CRMP1: variants seen among roughly 807,000 people sequenced by gnomAD.
CRMP1 encodes dihydropyrimidinase-related protein 1.
CRMP1 carries 19 observed loss-of-function variants against 68.3 expected under a neutral mutation model. The ratio of observed to expected loss-of-function variants is 0.28; its 90% CI spans 0.19 to 0.41. CRMP1 has a LOEUF of 0.41. Among genes scored for constraint, CRMP1 ranks in the 10% least tolerant of loss-of-function variants. The probability of loss-of-function intolerance (pLI) is 1.00; values close to 1 mark genes in which losing one functional copy is unlikely to be tolerated. For missense variants in CRMP1, 791 were observed against 967.4 expected, an observed-to-expected ratio of 0.82 and a Z score of 2.42; for synonymous variants, 439 against 399.6, an observed-to-expected ratio of 1.10 and a Z score of -1.18.
In CRMP1 at chr4:5,865,673, T is replaced by C. The variant is rs1274905834; in HGVS notation, c.470+995A>G. On this transcript the variant is annotated intron_variant, in intron 2 of 13. Transcript: ENST00000324989. This position sits in a 1 kb window ranked among gnomAD's most constrained non-coding sequence, Gnocchi z 4.1. ...GCCTACAGACCCCTGCCTGGCGTTA[T>C]GGACTGAATTGTATCTCCCAAAATT... Among the ~76,000 whole-genome samples, 4 of 151,144 alleles carry C rather than the reference T, an allele frequency of 2.6e-5. No homozygotes were observed. Among genetic ancestry groups the C allele is most frequent in the African/African-American group, 9.7e-5 (4 of 41,078 alleles).
At chr4:5,829,686 T>TTTTC (rs1295449013) in intron 11 of CRMP1, among the ~76,000 whole-genome samples, 1 of 152,190 alleles carries the variant, frequency 6.6e-6, no homozygotes, top group Non-Finnish European at 1.5e-5. Flanking sequence ...TCAGCTTAAT[T>TTTTC]TTTCTTTACC....
rs140587303 is a variant in CRMP1 at position 5,824,363 on chromosome 4, G to A, written c.1969+1131C>T. On this transcript the variant is annotated intron_variant, in intron 13 of 13. Coordinates refer to ENST00000324989, the MANE Select transcript of CRMP1 (RefSeq NM_001014809.3). ...GAAGCTCTTCCATCAAAGTCTTATG[G>A]AGAGTGAGATGAATGGGGAGGCCTC... 255 of 985,368 alleles carry A rather than the reference G, an allele frequency of 2.6e-4. No homozygotes were observed. The African/African-American group carries it at 3.9e-3, about 15-fold the overall frequency. The allele number at this position is 985,368 out of a possible 1,614,324, so 61.0% of individuals were successfully genotyped here. A position where few individuals can be genotyped will look rare whatever the true frequency, so the allele number is the denominator to read the frequency against.
rs772769129 is a variant in CRMP1, at chr4:5,861,113, G to A, written c.568C>T (p.Leu190=). The A allele has an allele frequency of 3.7e-6, 6 of 1,614,212 alleles. No homozygotes were observed. The highest frequency in any genetic ancestry group is 2.2e-5 in the East Asian group (1 of 44,890). ...GTCATCCCCTGGGAGGGCTTCTGCA[G>A]GTACGTGTTGACATCAATACCTCCG... is the stretch of plus-strand genomic sequence containing the variant. The part of the protein sequence containing the change: ...IPGGIDVNTY[L]QKPSQGMTAA... The change falls in exon 3 of 14, where the codon CTG becomes TTG. Residue 190 remains leucine (L), a synonymous_variant. Transcript: ENST00000324989. The surrounding 1 kb of genome is among the most constrained non-coding windows in gnomAD (Gnocchi z 6.0).
chr4:5,867,623 G>A (rs2152470286), intron 1 of CRMP1, among the ~76,000 whole-genome samples: 1 of 152,188 alleles, frequency 6.6e-6, no homozygotes, highest in Non-Finnish European at 1.5e-5. Context: ...AGCTCCAGAG[G>A]GGACCAGGCA....
At chr4:5,832,974 C>T (rs1372978635) in intron 11 of CRMP1, among the ~76,000 whole-genome samples, 1 of 152,078 alleles carries the variant, frequency 6.6e-6, no homozygotes, top group East Asian at 1.9e-4. Context: ...AAGGAGAAGA[C>T]ACAGCAGAGA....
In CRMP1 at chr4:5,853,834, A is replaced by T. The variant is rs1417045355; in HGVS notation, c.820+2309T>A. On this transcript the variant is annotated intron_variant, in intron 4 of 13. Transcript: ENST00000324989. This position sits in a 1 kb window ranked among gnomAD's most constrained non-coding sequence, Gnocchi z 4.7. ...GTTAAGGGAAATAAGTCAGGCACAG[A>T]AAGGCAAACACTGCAGCATCTCACT... 6.6e-6 allele frequency among the ~76,000 whole-genome samples: 1 copy of T among 152,262 alleles called. No homozygotes were observed. Among genetic ancestry groups the T allele is most frequent in the African/African-American group, 2.4e-5 (1 of 41,468 alleles).
chr4:5,892,685 C>G lies in CRMP1; in HGVS notation c.285G>C (p.Ala95=), dbSNP rs1234747494. ...CGTCGCGCTCTCCGGGAGAGCTGAC[C>G]GCGGAGCCCGAGGGCTCGCTCACGT... The part of the protein sequence containing the change: ...ASDVSEPSGS[A]VSSPGERDER... The change falls in exon 1 of 14, where the codon GCG becomes GCC. Residue 95 remains alanine, a synonymous_variant. Coordinates refer to ENST00000324989, the MANE Select transcript of CRMP1 (RefSeq NM_001014809.3). The surrounding 1 kb of genome is among the most constrained non-coding windows in gnomAD (Gnocchi z 8.6). The G allele has an allele frequency of 2.5e-6, 3 of 1,218,318 alleles. No homozygotes were observed. The highest frequency in any genetic ancestry group is 3.6e-5 in the East Asian group (1 of 28,094). 75.5% of individuals were successfully genotyped at this position (1,218,318 alleles called of 1,614,324 possible). A position where few individuals can be genotyped will look rare whatever the true frequency, so the allele number is the denominator to read the frequency against.
At chr4:5,840,421 C>T (rs745782461) in intron 8 of CRMP1, among the ~76,000 whole-genome samples, 5 of 152,180 alleles carry the variant, frequency 3.3e-5, no homozygotes, top group Admixed American at 6.5e-5. Context: ...AGATGTGGCC[C>T]GAGACCCCCT....
intron 1 of CRMP1, among the ~76,000 whole-genome samples, chr4:5,867,001 TG>T (rs1337802306): frequency 1.3e-5 from 2 of 152,232 alleles, no homozygotes; most frequent in Non-Finnish European, 2.9e-5. Context: ...GCACAAGCAC[TG>T]TATCTTTCCA....
rs1354680506 is a variant in CRMP1 at position 5,891,408 on chromosome 4, T to G, written c.381+1181A>C. 6.6e-6 allele frequency among the ~76,000 whole-genome samples: 1 copy of G among 152,190 alleles called. No individual in the cohort carries two copies. Among genetic ancestry groups the G allele is most frequent in the Non-Finnish European group, 1.5e-5 (1 of 68,036 alleles). ...AGCTCTGCTTCCCTCCAGGCTCACT[T>G]TGGGTCACTCATAGCATTTAAGAGG... is the stretch of plus-strand genomic sequence containing the variant. On this transcript the variant is annotated intron_variant, in intron 1 of 13. Transcript: ENST00000324989. The surrounding 1 kb of genome is among the most constrained non-coding windows in gnomAD (Gnocchi z 5.2).
chr4:5,825,976 C>G lies in CRMP1; in HGVS notation c.1804-317G>C, dbSNP rs1345289652. Reference sequence around the variant, plus strand: ...TATGCATGCACATGCAGTAACAAAACAGGCCTACACAGTAGCATACACGCG... The same window carrying G: ...TATGCATGCACATGCAGTAACAAAAGAGGCCTACACAGTAGCATACACGCG... On this transcript the variant is annotated intron_variant, in intron 12 of 13. Coordinates refer to ENST00000324989, the MANE Select transcript of CRMP1 (RefSeq NM_001014809.3). The surrounding 1 kb of genome is among the most constrained non-coding windows in gnomAD (Gnocchi z 4.4). 2.5e-6 allele frequency: 1 copy of G among 393,344 alleles called. No homozygotes were observed. Among genetic ancestry groups the G allele is most frequent in the African/African-American group, 2.4e-5 (1 of 42,538 alleles). The allele number at this position is 393,344 out of a possible 1,614,324, so 24.4% of individuals were successfully genotyped here. A position where few individuals can be genotyped will look rare whatever the true frequency, so the allele number is the denominator to read the frequency against.
At position 5,892,943 on chromosome 4, in the gene CRMP1, GT is replaced by G; in HGVS notation, c.26del (p.Asn9ThrfsTer80). The G allele has an allele frequency of 8.0e-7, 1 of 1,253,768 alleles. No individual in the cohort carries two copies. The highest frequency in any genetic ancestry group is 1.0e-6 in the Non-Finnish European group (1 of 997,338). The allele number at this position is 1,253,768 out of a possible 1,614,324, so 77.7% of individuals were successfully genotyped here. On this transcript the variant is annotated frameshift_variant, in exon 1 of 14. Transcript: ENST00000324989. LOFTEE classifies it high-confidence loss of function. This position sits in a 1 kb window ranked among gnomAD's most constrained non-coding sequence, Gnocchi z 8.6. Reference protein sequence around the residue: MADRRRAWNTEDDLPVYLA... With the variant: MADRRRAWXTEDDLPVYLA... Reference sequence around the variant, plus strand: ...GGTACACGGGCAGGTCGTCCTCGGTGTTCCACGCGCGCCGCCGGTCCGCCAT... The same window carrying G: ...GGTACACGGGCAGGTCGTCCTCGGTGTCCACGCGCGCCGCCGGTCCGCCAT...
intron 1 of CRMP1, chr4:5,887,254 C>T (rs1344186147): frequency 2.7e-6 from 2 of 731,132 alleles, no homozygotes; most frequent in East Asian, 1.3e-4. Context: ...GGCAGGTGCC[C>T]TGCGACTGTC....
At chr4:5,822,469 C>G (rs1251650632) in intron 13 of CRMP1, among the ~76,000 whole-genome samples, 1 of 149,994 alleles carries the variant, frequency 6.7e-6, no homozygotes, top group African/African-American at 2.5e-5. Context: ...ATTTACTTCC[C>G]TCATTGGCGA....
chr4:5,824,330 A>C, intron 13 of CRMP1: 11 of 985,408 alleles, frequency 1.1e-5, no homozygotes, highest in Non-Finnish European at 1.3e-5. Context: ...CAAAAATATG[A>C]AACACTGGAA....
intron 6 of CRMP1, among the ~76,000 whole-genome samples, chr4:5,847,186 C>T (rs566520203): frequency 1.3e-5 from 2 of 152,240 alleles, no homozygotes; most frequent in Non-Finnish European, 2.9e-5. Context: ...TCAGGTCCAC[C>T]ACTGCATGTT....
chr4:5,847,962 A>G (rs1173224914), intron 6 of CRMP1, among the ~76,000 whole-genome samples: 1 of 152,092 alleles, frequency 6.6e-6, no homozygotes, highest in African/African-American at 2.4e-5. Context: ...TAACCAATCC[A>G]TGCCTCTGCA....
At position 5,861,794 on chromosome 4, in the gene CRMP1, C is replaced by T. The variant is rs910257505; in HGVS notation, c.471-584G>A. ...AACCAGGAAAGGAACCCTGCAGCATCCAAGGTTAAGGTCTGGCTCAGACCA... is the reference window on the plus strand; with the variant it reads ...AACCAGGAAAGGAACCCTGCAGCATTCAAGGTTAAGGTCTGGCTCAGACCA... On this transcript the variant is annotated intron_variant, in intron 2 of 13. Transcript: ENST00000324989. This position sits in a 1 kb window ranked among gnomAD's most constrained non-coding sequence, Gnocchi z 6.0. 2.0e-5 allele frequency among the ~76,000 whole-genome samples: 3 copies of T among 152,078 alleles called. No individual in the cohort carries two copies. Among genetic ancestry groups the T allele is most frequent in the Non-Finnish European group, 4.4e-5 (3 of 68,022 alleles).
rs1340121877 is a variant in CRMP1 at position 5,855,532 on chromosome 4, G to C, written c.820+611C>G. Among the ~76,000 whole-genome samples the C allele has an allele frequency of 6.6e-6, 1 of 152,202 alleles. No homozygotes were observed. The highest frequency in any genetic ancestry group is 6.5e-5 in the Admixed American group (1 of 15,286). ...CTGTGCTGGTGTGAACCCAAACAGAGGGGAGCCAAGGTGGGAAGCAGGGAC... is the reference window on the plus strand; with the variant it reads ...CTGTGCTGGTGTGAACCCAAACAGACGGGAGCCAAGGTGGGAAGCAGGGAC... On this transcript the variant is annotated intron_variant, in intron 4 of 13. Transcript: ENST00000324989. This position sits in a 1 kb window ranked among gnomAD's most constrained non-coding sequence, Gnocchi z 4.9.
Sources: allele counts gnomAD v4.1 joint callset (sites outside exome capture counted in the v4.1 genomes callset), GRCh38; gene constraint gnomAD v4.1.1; non-coding constraint Gnocchi (gnomAD v3.1); transcripts MANE v1.5; gene names NCBI Gene and HGNC (gene_info 2026-07-23, HGNC 2026-07-21).